The following PTPRG variants were observed in gnomAD, a reference collection of about 807,000 sequenced individuals.
PTPRG encodes protein tyrosine phosphatase receptor type G, also known as receptor-type tyrosine-protein phosphatase gamma.
A neutral mutation model predicts 165.3 loss-of-function variants in PTPRG; 102 were observed. The observed-to-expected ratio is 0.62, with a 90% CI of 0.53 to 0.73. The LOEUF is 0.73. Ranked by LOEUF, PTPRG falls within the 30% of genes least tolerant of loss-of-function variation. The probability of loss-of-function intolerance (pLI) is 0.00; values close to 1 mark genes in which losing one functional copy is unlikely to be tolerated. For synonymous variants in PTPRG, 675 were observed against 669.5 expected (o/e 1.01, Z -0.13); for missense variants, 1,866 against 1,861.4 (o/e 1.00, Z -0.05).
chr3:62,215,546 A>ACCGC (rs1553652482), intron 12 of PTPRG, among the ~76,000 whole-genome samples: 4 of 63,758 alleles, frequency 6.3e-5, no homozygotes, highest in African/African-American at 2.6e-4. Context: ...CCCTACGGGA[A>ACCGC]CCCCCCCCCC....
intron 1 of PTPRG, among the ~76,000 whole-genome samples, chr3:61,597,752 G>A (rs1700740275): frequency 6.6e-6 from 1 of 152,112 alleles, no homozygotes; most frequent in Non-Finnish European, 1.5e-5. Context: ...ATTTCTGTGA[G>A]CCACTGAATC....
chr3:61,672,784 A>G (rs1230106766), intron 1 of PTPRG, among the ~76,000 whole-genome samples: 3 of 121,184 alleles, frequency 2.5e-5, no homozygotes, highest in Non-Finnish European at 5.2e-5. Context: ...GGAGAGAGGG[A>G]GAGAGAGGGA....
rs147628301 is a variant in PTPRG at position 62,015,848 on chromosome 3, G to A, written c.519+12351G>A. On this transcript the variant is annotated intron_variant, in intron 4 of 29. Coordinates refer to ENST00000474889, the MANE Select transcript of PTPRG (RefSeq NM_002841.4). ...CTCGTGGAGGGGATATCATGTTGATGTTATCTCAGGGCATGCGGTTTATAC... is the reference window on the plus strand; with the variant it reads ...CTCGTGGAGGGGATATCATGTTGATATTATCTCAGGGCATGCGGTTTATAC... Among the ~76,000 whole-genome samples the A allele has an allele frequency of 3.1e-4, 47 of 152,240 alleles. No individual in the cohort carries two copies. The East Asian group carries it at 7.9e-3, about 26-fold the overall frequency.
chr3:62,126,593 C>T (rs756200841), intron 5 of PTPRG, among the ~76,000 whole-genome samples: 2 of 152,162 alleles, frequency 1.3e-5, no homozygotes, highest in Non-Finnish European at 2.9e-5. Context: ...GATACAGGGC[C>T]ATACCTTTTG....
intron 1 of PTPRG, among the ~76,000 whole-genome samples, chr3:61,576,775 C>G (rs1700181770): frequency 6.6e-6 from 1 of 152,066 alleles, no homozygotes; most frequent in South Asian, 2.1e-4. Context: ...TTGATTTGAA[C>G]TTATATTTGA....
intron 1 of PTPRG, among the ~76,000 whole-genome samples, chr3:61,718,036 C>T (rs1044530850): frequency 8.6e-5 from 13 of 150,340 alleles, no homozygotes; most frequent in African/African-American, 2.2e-4. Flanking sequence ...AAAAATTAGC[C>T]GGGCATGGTG....
chr3:61,772,925 G>A (rs1240959565), intron 2 of PTPRG, among the ~76,000 whole-genome samples: 2 of 152,122 alleles, frequency 1.3e-5, no homozygotes, highest in Non-Finnish European at 2.9e-5. Context: ...CTACCACAAC[G>A]AATGGGAGAA....
At chr3:61,739,015 G>A (rs1168836828) in intron 1 of PTPRG, 5 of 105,736 alleles carry the variant, frequency 4.7e-5, no homozygotes, top group Admixed American at 1.3e-4. Context: ...GGTAGAGATG[G>A]GGTCTTGCTT....
chr3:61,671,345 A>G (rs565776098), intron 1 of PTPRG, among the ~76,000 whole-genome samples: 210 of 151,914 alleles, frequency 1.4e-3, no homozygotes, highest in Admixed American at 2.8e-3. Flanking sequence ...ATGACTCGTA[A>G]GGAGCATGCT....
intron 2 of PTPRG, among the ~76,000 whole-genome samples, chr3:61,774,142 G>A (rs1006748414): frequency 2.6e-5 from 4 of 152,064 alleles, no homozygotes; most frequent in Admixed American, 1.3e-4. Context: ...AAAGTTGACC[G>A]CATAGAACAC....
chr3:61,594,041 A>T (rs552585296), intron 1 of PTPRG, among the ~76,000 whole-genome samples: 2 of 152,302 alleles, frequency 1.3e-5, no homozygotes, highest in East Asian at 3.9e-4. Context: ...ATGTGTATTG[A>T]TTTTTAGAAT....
chr3:62,100,292 T>C (rs893494272), intron 5 of PTPRG, among the ~76,000 whole-genome samples: 6 of 152,142 alleles, frequency 3.9e-5, no homozygotes, highest in Non-Finnish European at 5.9e-5. Flanking sequence ...GTGGTGGGAA[T>C]TGGGGTGACT....
rs765867701 is a variant in PTPRG, at chr3:61,989,698, T to A, written c.264T>A (p.Ile88=). 6.2e-7 allele frequency: 1 copy of A among 1,614,138 alleles called. No homozygotes were observed. The highest frequency in any genetic ancestry group is 1.1e-5 in the South Asian group (1 of 91,080). ...CGGRHQSPID[I]LDQYARVGEE... ...GCCGTCACCAGTCTCCTATTGACAT[T>A]TTAGACCAGTATGCGCGTGTTGGGG... Residue 88 remains isoleucine (I), a synonymous_variant, in exon 3 of 30, where the codon ATT becomes ATA. Transcript: ENST00000474889.
At chr3:61,893,646 T>C (rs2038275665) in intron 2 of PTPRG, among the ~76,000 whole-genome samples, 1 of 152,202 alleles carries the variant, frequency 6.6e-6, no homozygotes, top group South Asian at 2.1e-4. Flanking sequence ...TTTGGAGTCT[T>C]TATGTGAAAC....
chr3:61,981,996 T>A (rs2040653249), intron 2 of PTPRG, among the ~76,000 whole-genome samples: 1 of 152,208 alleles, frequency 6.6e-6, no homozygotes, highest in Non-Finnish European at 1.5e-5. Flanking sequence ...CTTGTTAGCC[T>A]TGAACTAGAA....
chr3:62,142,398 G>T (rs1284941641), intron 6 of PTPRG, among the ~76,000 whole-genome samples: 1 of 152,074 alleles, frequency 6.6e-6, no homozygotes, highest in Non-Finnish European at 1.5e-5. Context: ...GTCTTCTCGT[G>T]TTCTGAGTGT....
intron 28 of PTPRG, among the ~76,000 whole-genome samples, chr3:62,285,239 C>G (rs1267224758): frequency 3.9e-5 from 6 of 152,128 alleles, no homozygotes; most frequent in Non-Finnish European, 8.8e-5. Context: ...ATTGTGGTAA[C>G]TTACAAACTA....
intron 2 of PTPRG, among the ~76,000 whole-genome samples, chr3:61,873,471 T>C (rs1178455999): frequency 6.6e-6 from 1 of 152,198 alleles, no homozygotes; most frequent in Non-Finnish European, 1.5e-5. Context: ...CGGAATCTTA[T>C]TTTAACTATA....
chr3:61,902,235 G>A (rs1559678721), intron 2 of PTPRG, among the ~76,000 whole-genome samples: 1 of 152,142 alleles, frequency 6.6e-6, no homozygotes, highest in Non-Finnish European at 1.5e-5. Context: ...TGAATGTTAG[G>A]GTGGCCTAAG....
Sources: gnomAD v4.1 joint callset for allele counts (sites outside exome capture counted in the v4.1 genomes callset) on GRCh38, gnomAD v4.1.1 for gene constraint, MANE v1.5 for transcripts, NCBI Gene and HGNC (gene_info 2026-07-23, HGNC 2026-07-21) for gene names.